The following KDM4B variants were observed in gnomAD, a reference collection of about 807,000 sequenced individuals.
The protein encoded by KDM4B is lysine demethylase 4B.
KDM4B carries 32 observed loss-of-function variants against 125.2 expected under a neutral mutation model. The observed-to-expected ratio is 0.26, with a 90% CI of 0.19 to 0.34. The LOEUF is 0.34. Ranked by LOEUF, KDM4B falls within the 10% of genes least tolerant of loss-of-function variation. KDM4B has a pLI of 1.00. For synonymous variants in KDM4B, 721 were observed against 677.9 expected, an observed-to-expected ratio of 1.06 and a Z score of -0.99; for missense variants, 1,190 against 1,577.7, an observed-to-expected ratio of 0.75 and a Z score of 4.16.
At chr19:5,059,436 G>A (rs1304689926) in intron 6 of KDM4B, among the ~76,000 whole-genome samples, 2 of 152,320 alleles carry the variant, frequency 1.3e-5, no homozygotes, top group East Asian at 1.9e-4. Flanking sequence ...ACCTGATTGC[G>A]AGCCAAGCAG....
At chr19:5,104,999 G>A (rs980734857) in intron 9 of KDM4B, among the ~76,000 whole-genome samples, 17 of 152,174 alleles carry the variant, frequency 1.1e-4, no homozygotes, top group Non-Finnish European at 1.8e-4. Context: ...TGGTGAGGCC[G>A]GGAGAGTCGC....
chr19:5,061,737 C>T (rs1394812988), intron 6 of KDM4B, among the ~76,000 whole-genome samples: 1 of 151,640 alleles, frequency 6.6e-6, no homozygotes, highest in African/African-American at 2.4e-5. Context: ...GTGTAGGGCG[C>T]ACACCTGTCA....
chr19:5,125,602 G>A (rs1270662088), intron 11 of KDM4B, among the ~76,000 whole-genome samples: 2 of 152,210 alleles, frequency 1.3e-5, no homozygotes, highest in African/African-American at 4.8e-5. Flanking sequence ...CGGTGCAGTG[G>A]TCACGGTGCC....
At chr19:5,029,069 C>T (rs1188415993) in intron 2 of KDM4B, among the ~76,000 whole-genome samples, 1 of 152,196 alleles carries the variant, frequency 6.6e-6, no homozygotes, top group Non-Finnish European at 1.5e-5. Context: ...GACCGCCACA[C>T]CTGGCTAATT....
At chr19:4,983,929 G>A (rs7257725) in intron 1 of KDM4B, among the ~76,000 whole-genome samples, 12,569 of 152,146 alleles carry the variant, frequency 0.083, 1,597 homozygotes, top group African/African-American at 0.27. Context: ...GGGTGGCTCT[G>A]CAGGTCCCGC....
At chr19:5,132,659 G>A (rs1453332610) in intron 13 of KDM4B, among the ~76,000 whole-genome samples, 2 of 152,032 alleles carry the variant, frequency 1.3e-5, no homozygotes, top group East Asian at 3.9e-4. Context: ...GCTTGGGAAG[G>A]GGTCTTGCCT....
intron 6 of KDM4B, among the ~76,000 whole-genome samples, chr19:5,059,870 C>G (rs1055233089): frequency 1.3e-5 from 2 of 152,240 alleles, no homozygotes; most frequent in Non-Finnish European, 1.5e-5. Flanking sequence ...GAGACTCAGA[C>G]TCCCACCAGG....
chr19:5,122,094 A>G (rs934692088), intron 11 of KDM4B, among the ~76,000 whole-genome samples: 1 of 152,156 alleles, frequency 6.6e-6, no homozygotes, highest in Non-Finnish European at 1.5e-5. Context: ...TCTGGAGGCC[A>G]CCAGTCTGAC....
Position 5,144,794 on chromosome 19 carries a change from T to G in KDM4B, c.2913T>G (p.Cys971Trp). The G allele has an allele frequency of 6.2e-7, 1 of 1,613,446 alleles. No individual in the cohort carries two copies. The highest frequency in any genetic ancestry group is 8.5e-7 in the Non-Finnish European group (1 of 1,179,900). ...TCTTCTCCCTGCAGAGTAGGGACTG[T>G]GTCCAGCTGGGACCCCCTTCCGAGG... ...LYPESITSRD[C>W]VQLGPPSEGE... Residue 971 changes from cysteine to tryptophan, a missense_variant, in exon 21 of 23, where the codon TGT (cysteine) becomes TGG (tryptophan). Physicochemically the swap from Cys to Trp is radical, Grantham distance 215. Coordinates refer to ENST00000159111, the MANE Select transcript of KDM4B (RefSeq NM_015015.3).
intron 12 of KDM4B, 42 bp downstream of exon 12, chr19:5,131,587 G>T: frequency 1.5e-6 from 1 of 670,454 alleles, no homozygotes; most frequent in Non-Finnish European, 2.3e-6. Flanking sequence ...GGGGCAGGTG[G>T]GGTGGGGCAG....
intron 1 of KDM4B, among the ~76,000 whole-genome samples, chr19:4,974,505 G>A (rs765875928): frequency 2.0e-5 from 3 of 151,988 alleles, no homozygotes; most frequent in Non-Finnish European, 4.4e-5. Context: ...TTGAGAGGCC[G>A]AGGCGGGAGG....
At chr19:4,985,655 T>G (rs2034801961) in intron 1 of KDM4B, among the ~76,000 whole-genome samples, 1 of 152,130 alleles carries the variant, frequency 6.6e-6, no homozygotes, top group Non-Finnish European at 1.5e-5. Context: ...GAGGCGGGTG[T>G]GAGCATGGCA....
chr19:4,975,087 T>C (rs900899187), intron 1 of KDM4B, among the ~76,000 whole-genome samples: 4 of 152,188 alleles, frequency 2.6e-5, no homozygotes, highest in Non-Finnish European at 5.9e-5. Context: ...CTCCTTTGCA[T>C]GTCACACGAT....
intron 3 of KDM4B, among the ~76,000 whole-genome samples, chr19:5,033,716 C>T (rs1232011245): frequency 1.3e-5 from 2 of 152,176 alleles, no homozygotes; most frequent in African/African-American, 4.8e-5. Flanking sequence ...AGTCCCCCAC[C>T]CTCTCCCTGG....
rs182437952 is a variant in KDM4B at position 4,989,522 on chromosome 19, G to A, written c.-109+20292G>A. Among the ~76,000 whole-genome samples the A allele has an allele frequency of 9.0e-4, 137 of 151,842 alleles. 2 individuals are homozygous for A. Among genetic ancestry groups the A allele is most frequent in the African/African-American group, 2.8e-3 (117 of 41,418 alleles). On this transcript the variant is annotated intron_variant, in intron 1 of 22. Coordinates refer to ENST00000159111, the MANE Select transcript of KDM4B (RefSeq NM_015015.3). The stretch of plus-strand genomic sequence containing the variant: ...CCCAGCTAATTTTTTTGTATTATTA[G>A]TAGAGACAGGGTTTTACCATGTTGG...
intron 10 of KDM4B, among the ~76,000 whole-genome samples, chr19:5,116,054 G>A (rs1245659851): frequency 6.6e-6 from 1 of 151,946 alleles, no homozygotes; most frequent in African/African-American, 2.4e-5. Context: ...CACAATTCCT[G>A]GATTAAACAA....
chr19:4,973,346 AC>A (rs1242330826), intron 1 of KDM4B, among the ~76,000 whole-genome samples: 5 of 151,676 alleles, frequency 3.3e-5, no homozygotes, highest in Non-Finnish European at 7.4e-5. Flanking sequence ...CCGCCACCAC[AC>A]CCTGCTAACT....
intron 10 of KDM4B, chr19:5,112,119 G>A: frequency 2.7e-6 from 1 of 366,180 alleles, no homozygotes; most frequent in East Asian, 5.7e-5. Flanking sequence ...TGGGTGTGGT[G>A]GTGTGCGCCT....
chr19:4,989,911 T>TC (rs1464159485), intron 1 of KDM4B, among the ~76,000 whole-genome samples: 2 of 152,182 alleles, frequency 1.3e-5, no homozygotes, highest in African/African-American at 4.8e-5. Flanking sequence ...CCTCGGCCTC[T>TC]CCGAGTGCTG....
Sources: gnomAD v4.1 joint callset for allele counts (sites outside exome capture counted in the v4.1 genomes callset) on GRCh38, gnomAD v4.1.1 for gene constraint, MANE v1.5 for transcripts, NCBI Gene and HGNC (gene_info 2026-07-23, HGNC 2026-07-21) for gene names.